The following BMP3 variants were observed in gnomAD, a reference collection of about 807,000 sequenced individuals.
BMP3 encodes bone morphogenetic protein 3 (osteogenic).
A neutral mutation model predicts 38.1 loss-of-function variants in BMP3; 23 were observed. That is an observed-to-expected ratio of 0.60 (90% CI 0.43 to 0.86). BMP3 has a LOEUF of 0.86. Among genes scored for constraint, BMP3 ranks in the 40% least tolerant of loss-of-function variants. The pLI, the probability that BMP3 is intolerant of heterozygous loss-of-function variation, is 0.00. For synonymous variants in BMP3, 258 were observed against 225.7 expected (o/e 1.14, Z -1.28); for missense variants, 628 against 579.6 (o/e 1.08, Z -0.86).
chr4:81,052,633 C>G (rs541739585), intron 2 of BMP3, among the ~76,000 whole-genome samples: 1 of 152,144 alleles, frequency 6.6e-6, no homozygotes, highest in Admixed American at 6.6e-5. Flanking sequence ...ATGCCTAATT[C>G]TAAACCAGTG....
chr4:81,053,027 C>G (rs774591946), intron 2 of BMP3, among the ~76,000 whole-genome samples: 3 of 152,118 alleles, frequency 2.0e-5, no homozygotes, highest in Non-Finnish European at 4.4e-5. Flanking sequence ...TTTAAATCCT[C>G]TACCATTTAC....
At chr4:81,043,319 T>C (rs1385944413) in intron 1 of BMP3, among the ~76,000 whole-genome samples, 3 of 152,166 alleles carry the variant, frequency 2.0e-5, no homozygotes, top group Non-Finnish European at 4.4e-5. Flanking sequence ...TCTGCACCTA[T>C]TAATAAATCT....
intron 1 of BMP3, among the ~76,000 whole-genome samples, chr4:81,036,609 A>T (rs1426824197): frequency 1.3e-5 from 2 of 152,004 alleles, no homozygotes; most frequent in African/African-American, 4.8e-5. Flanking sequence ...GCCATGTTTC[A>T]GTTGAGTAAA....
chr4:81,036,957 C>T (rs1031737630), intron 1 of BMP3, among the ~76,000 whole-genome samples: 3 of 151,846 alleles, frequency 2.0e-5, no homozygotes, highest in Non-Finnish European at 2.9e-5. Flanking sequence ...CAAATGACCA[C>T]GGTGGTTTTA....
rs1237933598 is a variant in BMP3 at position 81,056,656 on chromosome 4, C to G, written c.*3120C>G. The G allele has an allele frequency of 6.6e-6, 1 of 152,548 alleles. No homozygotes were observed. The highest frequency in any genetic ancestry group is 1.5e-5 in the Non-Finnish European group (1 of 68,016). 9.4% of individuals were successfully genotyped at this position (152,548 alleles called of 1,614,324 possible). ...ATTTACAGGATTTGGGATTGTAGAA[C>G]TTAAACTGGAAGACTGGATTCCTCA... On this transcript the variant is annotated 3_prime_UTR_variant, in exon 3 of 3. Transcript: ENST00000282701.
chr4:81,056,450 C>T lies in BMP3; in HGVS notation c.*2914C>T, dbSNP rs58776991. The T allele has an allele frequency of 0.12, 18,954 of 152,308 alleles. 1,425 individuals are homozygous for T. The highest frequency in any genetic ancestry group is 0.2 in the African/African-American group (8,474 of 41,430). 9.4% of individuals were successfully genotyped at this position (152,308 alleles called of 1,614,324 possible). ...CTCCCAGGTTCAAGCAGTTCTCCTG[C>T]CTCAGCCTCCTGAGTAGCTGGGATT... On this transcript the variant is annotated 3_prime_UTR_variant, in exon 3 of 3. Transcript: ENST00000282701.
At chr4:81,050,841 A>G (rs1239777295) in intron 2 of BMP3, among the ~76,000 whole-genome samples, 1 of 152,180 alleles carries the variant, frequency 6.6e-6, no homozygotes, top group African/African-American at 2.4e-5. Context: ...AGTAATTGAT[A>G]TATTAATTTT....
intron 2 of BMP3, among the ~76,000 whole-genome samples, chr4:81,051,726 A>T (rs1740403488): frequency 6.6e-6 from 1 of 152,174 alleles, no homozygotes; most frequent in African/African-American, 2.4e-5. Context: ...ACAATGTGCA[A>T]AATAAAACAG....
At chr4:81,044,036 A>T (rs556520139) in intron 1 of BMP3, among the ~76,000 whole-genome samples, 1 of 152,326 alleles carries the variant, frequency 6.6e-6, no homozygotes, top group East Asian at 1.9e-4. Flanking sequence ...TTTAATTCTG[A>T]TGACATGGGA....
At chr4:81,045,709 T>G (rs1740210810) in intron 1 of BMP3, 29 bp from the exon 2 acceptor site, 1 of 1,508,952 alleles carries the variant, frequency 6.6e-7, no homozygotes, top group Non-Finnish European at 8.9e-7. Flanking sequence ...TGTTTTCTCC[T>G]GTTTACTCTC....
chr4:81,038,145 G>T (rs1739971671), intron 1 of BMP3, among the ~76,000 whole-genome samples: 2 of 151,968 alleles, frequency 1.3e-5, no homozygotes, highest in Admixed American at 6.6e-5. Flanking sequence ...ATAAACAAAT[G>T]GTTTATTGAC....
At chr4:81,051,030 C>G (rs1329460834) in intron 2 of BMP3, among the ~76,000 whole-genome samples, 3 of 146,118 alleles carry the variant, frequency 2.1e-5, no homozygotes, top group African/African-American at 7.5e-5. Flanking sequence ...AAAAAAAAAG[C>G]AGGGGAAACT....
Position 81,053,202 on chromosome 4 carries a change from T to C in BMP3, c.1228-143T>C, listed in dbSNP as rs144086842. 1.8e-3 allele frequency: 896 copies of C among 504,554 alleles called. 6 individuals carry two copies. Among genetic ancestry groups the C allele is most frequent in the African/African-American group, 0.016 (805 of 50,676 alleles). 31.3% of individuals were successfully genotyped at this position (504,554 alleles called of 1,614,324 possible). ...TTTTGGTAGTGGTGGGATAGGCGAT[T>C]GGGCTTAATGTATAATGATGCCAGA... is the stretch of plus-strand genomic sequence containing the variant. On this transcript the variant is annotated intron_variant, in intron 2 of 2. Coordinates refer to ENST00000282701, the MANE Select transcript of BMP3 (RefSeq NM_001201.5).
At position 81,053,544 on chromosome 4, in the gene BMP3, A is replaced by G; in HGVS notation, c.*8A>G. On this transcript the variant is annotated 3_prime_UTR_variant, in exon 3 of 3. Transcript: ENST00000282701. ...TCTTGCGCTTGCAGATAACCTGGCA[A>G]AGAACTCATTTGAATGCTTAATTCA... 6.9e-7 allele frequency: 1 copy of G among 1,449,068 alleles called. No homozygotes were observed. The highest frequency in any genetic ancestry group is 9.1e-7 in the Non-Finnish European group (1 of 1,095,754). 89.8% of individuals were successfully genotyped at this position (1,449,068 alleles called of 1,614,324 possible). A position where few individuals can be genotyped will look rare whatever the true frequency, so the allele number is the denominator to read the frequency against.
chr4:81,031,817 G>C (rs1273522975), intron 1 of BMP3, among the ~76,000 whole-genome samples: 1 of 152,148 alleles, frequency 6.6e-6, no homozygotes, highest in Non-Finnish European at 1.5e-5. Flanking sequence ...AAGTGAGAGG[G>C]GGAAATAGAA....
rs1740097213 is a variant in BMP3 at position 81,042,241 on chromosome 4, C to T, written c.317-3497C>T. Among the ~76,000 whole-genome samples the T allele has an allele frequency of 2.0e-5, 3 of 152,152 alleles. No individual in the cohort carries two copies. In the South Asian group the frequency reaches 6.2e-4, roughly 32 times the overall value. ...TTCAAAATTCAGTATGTATTTTATA[C>T]TTACAGCACATCTCAATTTGAATGT... is the stretch of plus-strand genomic sequence containing the variant. On this transcript the variant is annotated intron_variant, in intron 1 of 2. Transcript: ENST00000282701.
Position 81,045,969 on chromosome 4 carries a change from T to C in BMP3, c.548T>C (p.Leu183Pro), listed in dbSNP as rs954324621. ...AACCAAAGTCAACTCCTTGGCCATCTGTCAGTGGATATGGCCAAATCTCAT... is the reference window on the plus strand; with the variant it reads ...AACCAAAGTCAACTCCTTGGCCATCCGTCAGTGGATATGGCCAAATCTCAT... ...SRNQSQLLGH[L>P]SVDMAKSHRD... Residue 183 changes from leucine to proline, a missense_variant, in exon 2 of 3, where the codon CTG becomes CCG. Coordinates refer to ENST00000282701, the MANE Select transcript of BMP3 (RefSeq NM_001201.5). 4 of 1,613,988 alleles carry C rather than the reference T, an allele frequency of 2.5e-6. No individual in the cohort carries two copies. In the African/African-American group the frequency reaches 4.0e-5, roughly 16 times the overall value.
chr4:81,031,627 C>A, intron 1 of BMP3, 27 bp downstream of exon 1: 5 of 1,528,872 alleles, frequency 3.3e-6, no homozygotes, highest in Non-Finnish European at 3.5e-6. Flanking sequence ...AGACTCCCTT[C>A]CCGCGGTCCC....
chr4:81,031,441 C>A lies in BMP3; in HGVS notation c.157C>A (p.Gln53Lys). Residue 53 changes from glutamine (Q) to lysine (K), a missense_variant, in exon 1 of 3, where the codon CAA becomes AAA. Transcript: ENST00000282701. ...GGGPDSELQP[Q>K]DKVSEHMLRL... ...TGGCCCGGACTCCGAGCTGCAGCCG[C>A]AAGACAAGGTCTCTGAACACATGCT... 6.2e-7 allele frequency: 1 copy of A among 1,613,844 alleles called. No homozygotes were observed. The highest frequency in any genetic ancestry group is 8.5e-7 in the Non-Finnish European group (1 of 1,179,906).
Sources: gnomAD v4.1 joint callset for allele counts (sites outside exome capture counted in the v4.1 genomes callset) on GRCh38, gnomAD v4.1.1 for gene constraint, MANE v1.5 for transcripts, NCBI Gene and HGNC (gene_info 2026-07-23, HGNC 2026-07-21) for gene names.